The following CLASP1 variants were observed in gnomAD, a reference collection of about 807,000 sequenced individuals.
The protein encoded by CLASP1 is CLIP-associating protein 1.
CLASP1 carries 38 observed loss-of-function variants against 192.3 expected under a neutral mutation model. The observed-to-expected ratio is 0.20, with a 90% CI of 0.15 to 0.26. The LOEUF (loss-of-function observed/expected upper bound fraction) is 0.26, where lower values mean the gene tolerates loss of function less well. Ranked by LOEUF, CLASP1 falls within the 10% of genes least tolerant of loss-of-function variation. The pLI is 1.00. For synonymous variants in CLASP1, 691 were observed against 712.8 expected (o/e 0.97, Z 0.49); for missense variants, 1,433 against 1,932.5 (o/e 0.74, Z 4.85).
At chr2:121,344,515 G>C (rs1038912229) in intron 39 of CLASP1, among the ~76,000 whole-genome samples, 1 of 152,004 alleles carries the variant, frequency 6.6e-6, no homozygotes, top group Non-Finnish European at 1.5e-5. Flanking sequence ...ATTTGTAGTA[G>C]AGATGGGGTT....
At chr2:121,636,596 C>T (rs2070926351) in intron 1 of CLASP1, among the ~76,000 whole-genome samples, 3 of 151,590 alleles carry the variant, frequency 2.0e-5, no homozygotes, top group African/African-American at 7.3e-5. Context: ...ACACAGGAGG[C>T]GGAGGTTGCA....
intron 39 of CLASP1, among the ~76,000 whole-genome samples, chr2:121,341,875 CAT>C: frequency 6.6e-6 from 1 of 152,282 alleles, no homozygotes; most frequent in East Asian, 1.9e-4. Context: ...TGTGATTTAA[CAT>C]ATGGTTTATC....
intron 1 of CLASP1, among the ~76,000 whole-genome samples, chr2:121,637,201 A>T: frequency 6.6e-6 from 1 of 152,352 alleles, no homozygotes; most frequent in South Asian, 2.1e-4. Context: ...TCATATATCA[A>T]GCAGCAACAC....
intron 8 of CLASP1, among the ~76,000 whole-genome samples, chr2:121,494,710 T>A (rs1482566590): frequency 6.6e-6 from 1 of 152,110 alleles, no homozygotes; most frequent in Non-Finnish European, 1.5e-5. Context: ...TATATACAAC[T>A]GATATGTCCA....
At chr2:121,446,252 A>C (rs1407319827) in intron 19 of CLASP1, among the ~76,000 whole-genome samples, 2 of 152,242 alleles carry the variant, frequency 1.3e-5, no homozygotes, top group Non-Finnish European at 2.9e-5. Flanking sequence ...TAGTTTATAA[A>C]GAACCTTTAT....
chr2:121,578,953 C>T (rs142116525), intron 2 of CLASP1, among the ~76,000 whole-genome samples: 124 of 152,216 alleles, frequency 8.1e-4, no homozygotes, highest in Middle Eastern at 3.4e-3. Context: ...TTAAAGTGTA[C>T]AATTCAGTAA....
chr2:121,422,306 G>A (rs1467703314), intron 22 of CLASP1, among the ~76,000 whole-genome samples: 1 of 152,202 alleles, frequency 6.6e-6, no homozygotes, highest in Non-Finnish European at 1.5e-5. Context: ...TTAGACAGTA[G>A]TCTAATTTCA....
chr2:121,609,506 T>C (rs1480274465), intron 1 of CLASP1, among the ~76,000 whole-genome samples: 1 of 152,224 alleles, frequency 6.6e-6, no homozygotes, highest in Non-Finnish European at 1.5e-5. Context: ...CTGATGTTTT[T>C]GGACTTTTTT....
At chr2:121,425,041 A>C in intron 22 of CLASP1, 98 bp downstream of exon 22, 1 of 1,248,736 alleles carries the variant, frequency 8.0e-7, no homozygotes, top group Non-Finnish European at 1.1e-6. Context: ...AGTTCAAAAA[A>C]TAGATCTATA....
intron 24 of CLASP1, among the ~76,000 whole-genome samples, 170 bp downstream of exon 25, chr2:121,410,696 A>T (rs762780503): frequency 3.3e-5 from 5 of 152,250 alleles, no homozygotes; most frequent in Non-Finnish European, 7.3e-5. Flanking sequence ...CAGAGGTAAA[A>T]GTTTAAGGGG....
At chr2:121,463,613 T>C (rs2088632847) in intron 9 of CLASP1, among the ~76,000 whole-genome samples, 1 of 152,146 alleles carries the variant, frequency 6.6e-6, no homozygotes, top group South Asian at 2.1e-4. Context: ...CCACATATAC[T>C]GAAGAGGACT....
rs1559618289 is a variant in CLASP1 at position 121,561,648 on chromosome 2, T to C, written c.196-31323A>G. On this transcript the variant is annotated intron_variant, in intron 2 of 39. Transcript: ENST00000263710. ...ATAATGTTTTAACAAAGTTTGTGAA[T>C]TTGTGTAGGACCACATTCAAAACTG... is the stretch of plus-strand genomic sequence containing the variant. Among the ~76,000 whole-genome samples, 4 of 152,210 alleles carry C rather than the reference T, an allele frequency of 2.6e-5. No homozygotes were observed. The South Asian group carries it at 8.3e-4, about 31-fold the overall frequency.
chr2:121,500,438 AGAGGGAAGGAAGGAGGGAAG>A (rs375234269), intron 8 of CLASP1, among the ~76,000 whole-genome samples: 121 of 151,488 alleles, frequency 8.0e-4, no homozygotes, highest in African/African-American at 2.8e-3. Context: ...AGAAAAGAAA[AGAGGGAAGGAAGGAGGGAAG>A]GAGGGAAGGA....
chr2:121,586,673 G>C (rs893108836), intron 2 of CLASP1, among the ~76,000 whole-genome samples: 4 of 152,098 alleles, frequency 2.6e-5, no homozygotes, highest in Non-Finnish European at 4.4e-5. Flanking sequence ...TGTCCTGAGT[G>C]TGCATGAATG....
At chr2:121,491,394 T>C (rs1047036213) in intron 8 of CLASP1, among the ~76,000 whole-genome samples, 9 of 152,246 alleles carry the variant, frequency 5.9e-5, no homozygotes, top group Non-Finnish European at 1.0e-4. Context: ...CAAAAGCATG[T>C]GTATTTTTTA....
chr2:121,583,529 C>T (rs1361323370), intron 2 of CLASP1, among the ~76,000 whole-genome samples: 1 of 152,106 alleles, frequency 6.6e-6, no homozygotes, highest in African/African-American at 2.4e-5. Flanking sequence ...TTCTACAATC[C>T]CCACTGCCAC....
At chr2:121,374,969 G>A (rs1483184996) in intron 34 of CLASP1, among the ~76,000 whole-genome samples, 1 of 152,160 alleles carries the variant, frequency 6.6e-6, no homozygotes, top group African/African-American at 2.4e-5. Context: ...CTGTTGGGAA[G>A]GCATGATTGT....
At chr2:121,432,415 G>A (rs915442016) in intron 19 of CLASP1, among the ~76,000 whole-genome samples, 5 of 152,108 alleles carry the variant, frequency 3.3e-5, no homozygotes, top group Admixed American at 3.3e-4. Flanking sequence ...CACTGTCCCC[G>A]GCCTGTGATT....
At chr2:121,516,216 C>T (rs2094288627) in intron 6 of CLASP1, among the ~76,000 whole-genome samples, 1 of 152,128 alleles carries the variant, frequency 6.6e-6, no homozygotes, top group Non-Finnish European at 1.5e-5. Context: ...ACTCAAGAAG[C>T]CCCTAGTCCT....
Sources: allele counts gnomAD v4.1 joint callset (sites outside exome capture counted in the v4.1 genomes callset), GRCh38; gene constraint gnomAD v4.1.1; transcripts MANE v1.5; gene names NCBI Gene and HGNC (gene_info 2026-07-23, HGNC 2026-07-21).